The following TM2D1 variants were observed in gnomAD, a reference collection of about 807,000 sequenced individuals.
The protein encoded by TM2D1 is TM2 domain containing 1.
TM2D1 carries 15 observed loss-of-function variants against 28.4 expected under a neutral mutation model. The observed-to-expected ratio is 0.53, with a 90% CI of 0.35 to 0.81. The LOEUF (loss-of-function observed/expected upper bound fraction) is 0.81, where lower values mean the gene tolerates loss of function less well. Ranked by LOEUF, TM2D1 falls within the 40% of genes least tolerant of loss-of-function variation. TM2D1 has a pLI of 0.01. For synonymous variants in TM2D1, 93 were observed against 96.2 expected (o/e 0.97, Z 0.20); for missense variants, 236 against 254.9 (o/e 0.93, Z 0.50).
intron 5 of TM2D1, among the ~76,000 whole-genome samples, chr1:61,684,525 TATTGG>T (rs1219395686): frequency 6.6e-6 from 1 of 152,200 alleles, no homozygotes; most frequent in African/African-American, 2.4e-5. Flanking sequence ...TAGCTCAAAA[TATTGG>T]ATTTAGGGAA....
At chr1:61,686,909 C>A in intron 5 of TM2D1, 1 of 968,146 alleles carries the variant, frequency 1.0e-6, no homozygotes, top group Non-Finnish European at 1.2e-6. Flanking sequence ...GGCAACAGAG[C>A]AAGACCCTGT....
At chr1:61,702,123 GA>G (rs1329264327) in intron 3 of TM2D1, among the ~76,000 whole-genome samples, 2 of 151,906 alleles carry the variant, frequency 1.3e-5, no homozygotes, top group Non-Finnish European at 2.9e-5. Context: ...CCAGGAGGTG[GA>G]GGTTGCAGTA....
chr1:61,682,373 C>T (rs960838619), intron 6 of TM2D1, among the ~76,000 whole-genome samples: 14 of 152,118 alleles, frequency 9.2e-5, no homozygotes, highest in Non-Finnish European at 2.9e-5. Context: ...CTTCACCCTA[C>T]ATGATATATA....
intron 2 of TM2D1, among the ~76,000 whole-genome samples, chr1:61,717,113 C>A (rs1277118062): frequency 2.0e-5 from 3 of 152,084 alleles, no homozygotes; most frequent in African/African-American, 7.2e-5. Context: ...CTTTGGGAGG[C>A]CGAGGCCAGC....
intron 2 of TM2D1, among the ~76,000 whole-genome samples, chr1:61,718,704 C>T (rs1290608547): frequency 2.0e-5 from 3 of 152,120 alleles, no homozygotes; most frequent in Non-Finnish European, 2.9e-5. Flanking sequence ...GAAGGACACT[C>T]CATCAATTAT....
At chr1:61,693,151 C>T (rs573308342) in intron 5 of TM2D1, among the ~76,000 whole-genome samples, 3 of 152,016 alleles carry the variant, frequency 2.0e-5, no homozygotes, top group African/African-American at 4.8e-5. Flanking sequence ...GTGGGAGGAT[C>T]GCTTAAGCCC....
intron 1 of TM2D1, 48 bp downstream of exon 1, chr1:61,724,909 C>A (rs760389362): frequency 3.3e-6 from 5 of 1,533,044 alleles, no homozygotes; most frequent in South Asian, 1.2e-5. Flanking sequence ...CACCTGCGAC[C>A]CCAACTCTAC....
rs1310233525 is a variant in TM2D1, at chr1:61,701,100, TGTTAATTG to T, written c.348-83_348-76del. 3.6e-6 allele frequency: 4 copies of T among 1,098,340 alleles called. No individual in the cohort carries two copies. In the Admixed American group the frequency reaches 8.1e-5, roughly 22 times the overall value. 68.0% of individuals were successfully genotyped at this position (1,098,340 alleles called of 1,614,324 possible). A position where few individuals can be genotyped will look rare whatever the true frequency, so the allele number is the denominator to read the frequency against. The stretch of plus-strand genomic sequence containing the variant: ...GAAAAAAAAATTATTAACTACTACT[TGTTAATTG>T]GTTCATTCTTTCACTCAGTTAATGT... On this transcript the variant is annotated intron_variant, in intron 3 of 6. Coordinates refer to ENST00000606498, the MANE Select transcript of TM2D1 (RefSeq NM_032027.3).
At position 61,712,189 on chromosome 1, in the gene TM2D1, G is replaced by A. The variant is rs146279476; in HGVS notation, c.239-2752C>T. Reference sequence around the variant, plus strand: ...GGGATACTCATAAACATCCTACAGTGCACAAGATAGCCTCCCCACAACAAT... The same window carrying A: ...GGGATACTCATAAACATCCTACAGTACACAAGATAGCCTCCCCACAACAAT... On this transcript the variant is annotated intron_variant, in intron 2 of 6. Transcript: ENST00000606498. Among the ~76,000 whole-genome samples the A allele has an allele frequency of 6.8e-3, 1,036 of 152,152 alleles. 5 individuals are homozygous for A. The highest frequency in any genetic ancestry group is 0.027 in the Admixed American group (409 of 15,258).
At chr1:61,692,175 T>C (rs1039221072) in intron 5 of TM2D1, among the ~76,000 whole-genome samples, 4 of 151,614 alleles carry the variant, frequency 2.6e-5, no homozygotes, top group Non-Finnish European at 5.9e-5. Context: ...TGTATATTTT[T>C]AGGAACAAAA....
chr1:61,707,404 T>C (rs769457146), intron 3 of TM2D1, among the ~76,000 whole-genome samples: 2 of 152,216 alleles, frequency 1.3e-5, no homozygotes, highest in Non-Finnish European at 2.9e-5. Context: ...ACAGATAATA[T>C]AAACCTGTAA....
At chr1:61,690,696 C>T (rs1032583508) in intron 5 of TM2D1, among the ~76,000 whole-genome samples, 15 of 152,206 alleles carry the variant, frequency 9.9e-5, no homozygotes, top group African/African-American at 3.6e-4. Context: ...CTCTGTTTAA[C>T]ATAACTGGTA....
intron 6 of TM2D1, among the ~76,000 whole-genome samples, chr1:61,682,800 C>T (rs144851739): frequency 3.8e-4 from 56 of 149,066 alleles, no homozygotes; most frequent in African/African-American, 1.2e-3. Flanking sequence ...GGCTGAGGCA[C>T]GAGAATCGCT....
In TM2D1 at chr1:61,724,975, T is replaced by C. The variant is rs1334300697; in HGVS notation, c.146A>G (p.Glu49Gly). 6.2e-7 allele frequency: 1 copy of C among 1,603,378 alleles called. No individual in the cohort carries two copies. Among genetic ancestry groups the C allele is most frequent in the Non-Finnish European group, 8.5e-7 (1 of 1,171,636 alleles). Residue 49 changes from glutamate to glycine, a missense_variant, in exon 1 of 7, where the codon GAG becomes GGG. Coordinates refer to ENST00000606498, the MANE Select transcript of TM2D1 (RefSeq NM_032027.3). ...AGGATATTGTCCCACTTTGAGGTCC[T>C]CGCACTTAAGCGACTCCTCGCCCCC... ...SAGGEESLKC[E>G]DLKVGQYICK...
In TM2D1 at chr1:61,720,287, G is replaced by C. The variant is rs1452000766; in HGVS notation, c.238+3426C>G. 2.0e-5 allele frequency among the ~76,000 whole-genome samples: 3 copies of C among 152,028 alleles called. No homozygotes were observed. The East Asian group carries it at 5.8e-4, about 29-fold the overall frequency. On this transcript the variant is annotated intron_variant, in intron 2 of 6. Coordinates refer to ENST00000606498, the MANE Select transcript of TM2D1 (RefSeq NM_032027.3). ...GACAGAGTCTGGCTCTGTCGCCCAG[G>C]CTGGAGTGCAGTGGCGTGACCTCGG...
At chr1:61,683,618 A>C in intron 5 of TM2D1, 72 bp from the exon 6 acceptor site, 4 of 779,010 alleles carry the variant, frequency 5.1e-6, no homozygotes, top group Non-Finnish European at 8.0e-6. Context: ...TACTTTTCTC[A>C]GTTGTTAATA....
At chr1:61,706,123 GTTATC>G (rs908302022) in intron 3 of TM2D1, among the ~76,000 whole-genome samples, 4 of 152,132 alleles carry the variant, frequency 2.6e-5, no homozygotes, top group Non-Finnish European at 5.9e-5. Flanking sequence ...TATTTATCCA[GTTATC>G]TTAGCTTTGC....
chr1:61,686,715 A>G (rs1644288111), intron 5 of TM2D1: 4 of 742,512 alleles, frequency 5.4e-6, no homozygotes, highest in African/African-American at 1.9e-5. Context: ...CCACATACAC[A>G]TATATAATAA....
chr1:61,691,932 A>AAAAAATATATATATATATATATGT, intron 5 of TM2D1, among the ~76,000 whole-genome samples: 9 of 76,412 alleles, frequency 1.2e-4, no homozygotes, highest in African/African-American at 4.3e-4. Context: ...AAAAAAAAAA[A>AAAAAATATATATATATATATATGT]ATATATATAT....
Sources: gnomAD v4.1 joint callset for allele counts (sites outside exome capture counted in the v4.1 genomes callset) on GRCh38, gnomAD v4.1.1 for gene constraint, MANE v1.5 for transcripts, NCBI Gene and HGNC (gene_info 2026-07-23, HGNC 2026-07-21) for gene names.